Variants in DPY19L2 observed in about 807,000 individuals in gnomAD.
DPY19L2 encodes probable C-mannosyltransferase DPY19L2.
A neutral mutation model predicts 97.9 loss-of-function variants in DPY19L2; 34 were observed. The observed-to-expected ratio is 0.35, with a 90% CI of 0.26 to 0.46. DPY19L2 has a LOEUF of 0.46. Ranked by LOEUF, DPY19L2 falls within the 20% of genes least tolerant of loss-of-function variation. The pLI, the probability that DPY19L2 is intolerant of heterozygous loss-of-function variation, is 1.00. For synonymous variants in DPY19L2, 230 were observed against 307.9 expected (o/e 0.75, Z 2.65); for missense variants, 623 against 911.4 (o/e 0.68, Z 4.07).
chr12:63,636,792 T>G (rs1273372400), intron 6 of DPY19L2, among the ~76,000 whole-genome samples: 2 of 152,082 alleles, frequency 1.3e-5, no homozygotes, highest in Non-Finnish European at 2.9e-5. Flanking sequence ...AAGCAAGCCC[T>G]TAGAGACCTG....
chr12:63,587,464 C>T (rs551665866), intron 16 of DPY19L2, among the ~76,000 whole-genome samples: 1 of 151,428 alleles, frequency 6.6e-6, no homozygotes, highest in South Asian at 2.1e-4. Context: ...CCTCACAGAG[C>T]ATTTACTAAA....
At chr12:63,573,632 A>AT (rs536977059) in intron 19 of DPY19L2, among the ~76,000 whole-genome samples, 189 of 152,256 alleles carry the variant, frequency 1.2e-3, no homozygotes, top group African/African-American at 3.9e-3. Context: ...AACTCAAGTC[A>AT]TTTAATATCA....
chr12:63,627,598 C>T (rs1889789017), intron 6 of DPY19L2, among the ~76,000 whole-genome samples: 1 of 152,160 alleles, frequency 6.6e-6, no homozygotes, highest in South Asian at 2.1e-4. Context: ...GATCCGGCCA[C>T]CTCAGCCTCC....
chr12:63,623,769 ATC>A, intron 8 of DPY19L2: 2 of 313,328 alleles, frequency 6.4e-6, no homozygotes, highest in Non-Finnish European at 1.2e-5. Context: ...CAGTGGCACA[ATC>A]TCGGCTCACT....
At position 63,584,337 on chromosome 12, in the gene DPY19L2, A is replaced by C. The variant is rs1245768021; in HGVS notation, c.1581-501T>G. Among the ~76,000 whole-genome samples the C allele has an allele frequency of 3.3e-5, 5 of 152,158 alleles. 1 individual carries two copies. The highest frequency in any genetic ancestry group is 7.2e-5 in the African/African-American group (3 of 41,436). ...ACATAAATATTTTTAGTTTCAGAAA[A>C]GTTGTCCCTTTACAAAATATTTATA... On this transcript the variant is annotated intron_variant, in intron 16 of 21. Coordinates refer to ENST00000324472, the MANE Select transcript of DPY19L2 (RefSeq NM_173812.5).
chr12:63,616,204 G>T (rs373756764), intron 11 of DPY19L2, among the ~76,000 whole-genome samples: 4,372 of 151,922 alleles, frequency 0.029, 107 homozygotes, highest in East Asian at 0.14. Flanking sequence ...ATCAGTATTA[G>T]CCAGCACTAA....
At chr12:63,622,221 T>A (rs1182405348) in intron 8 of DPY19L2, among the ~76,000 whole-genome samples, 2 of 152,138 alleles carry the variant, frequency 1.3e-5, no homozygotes, top group Non-Finnish European at 2.9e-5. Context: ...ATTAAGACAT[T>A]TTATTCCATG....
At chr12:63,587,209 T>A (rs1336073944) in intron 16 of DPY19L2, among the ~76,000 whole-genome samples, 3 of 152,044 alleles carry the variant, frequency 2.0e-5, no homozygotes, top group African/African-American at 7.2e-5. Flanking sequence ...ATAATAAAAG[T>A]ACAATCCTAT....
At chr12:63,626,762 T>G (rs1048055536) in intron 6 of DPY19L2, among the ~76,000 whole-genome samples, 68 of 152,100 alleles carry the variant, frequency 4.5e-4, no homozygotes, top group African/African-American at 1.6e-3. Context: ...ACTTTCTAAA[T>G]AAAATACATA....
chr12:63,627,093 A>C (rs921761558), intron 6 of DPY19L2, among the ~76,000 whole-genome samples: 1 of 152,120 alleles, frequency 6.6e-6, no homozygotes, highest in Non-Finnish European at 1.5e-5. Context: ...AATCATTTTT[A>C]AGAAACAGAC....
At chr12:63,652,111 A>C (rs1448011459) in intron 4 of DPY19L2, among the ~76,000 whole-genome samples, 3 of 152,208 alleles carry the variant, frequency 2.0e-5, no homozygotes, top group African/African-American at 2.4e-5. Context: ...ACATGAAAAA[A>C]AAAGTAGGTG....
intron 13 of DPY19L2, among the ~76,000 whole-genome samples, chr12:63,599,044 G>A (rs1052678220): frequency 5.9e-5 from 9 of 151,906 alleles, no homozygotes; most frequent in Non-Finnish European, 1.3e-4. Context: ...GTGGTGGCAC[G>A]TGCCTATAAC....
At chr12:63,571,955 G>C (rs1244347626) in intron 19 of DPY19L2, among the ~76,000 whole-genome samples, 4 of 152,142 alleles carry the variant, frequency 2.6e-5, no homozygotes, top group Non-Finnish European at 5.9e-5. Context: ...CTACATTGGA[G>C]AGGAGGTGGA....
Position 63,619,517 on chromosome 12 carries a change from T to C in DPY19L2, c.1054-1289A>G, listed in dbSNP as rs1296391074. ...AACATTAACAGCAATATCAAACTTCTTTTTTTTTTTTTGAAACTGAGTCTC... is the reference window on the plus strand; with the variant it reads ...AACATTAACAGCAATATCAAACTTCCTTTTTTTTTTTTGAAACTGAGTCTC... On this transcript the variant is annotated intron_variant, in intron 9 of 21. Coordinates refer to ENST00000324472, the MANE Select transcript of DPY19L2 (RefSeq NM_173812.5). 2.1e-5 allele frequency among the ~76,000 whole-genome samples: 3 copies of C among 142,686 alleles called. No individual in the cohort carries two copies. In the East Asian group the frequency reaches 6.0e-4, roughly 28 times the overall value. 93.6% of individuals were successfully genotyped at this position (142,686 alleles called of 152,430 possible).
At chr12:63,592,840 G>A (rs1175391599) in intron 16 of DPY19L2, among the ~76,000 whole-genome samples, 2 of 152,066 alleles carry the variant, frequency 1.3e-5, no homozygotes, top group Admixed American at 1.3e-4. Context: ...ACTACCATCA[G>A]AGTCAACAGG....
intron 6 of DPY19L2, among the ~76,000 whole-genome samples, chr12:63,637,693 C>A (rs1026565311): frequency 6.6e-6 from 1 of 151,966 alleles, no homozygotes; most frequent in Non-Finnish European, 1.5e-5. Context: ...CAATAACAGG[C>A]TCTGAAATTG....
intron 16 of DPY19L2, among the ~76,000 whole-genome samples, chr12:63,586,088 A>G (rs1881747478): frequency 6.6e-6 from 1 of 152,196 alleles, no homozygotes; most frequent in South Asian, 2.1e-4. Flanking sequence ...TGAAAGAATA[A>G]GAGAACAACA....
rs1054891 is a variant in DPY19L2 at position 63,560,524 on chromosome 12, T to C, written c.2265A>G (p.Leu755=). ...GGTAGTATCCTTCTCAGTTAACCTT[T>C]AATACTCTGTACACACTATTCTGAA... ...TVFQNSVYRV[L]KVN is the part of the protein sequence containing the mutation. The change falls in exon 22 of 22, where the codon TTA becomes TTG. Residue 755 remains leucine, a synonymous_variant. Coordinates refer to ENST00000324472, the MANE Select transcript of DPY19L2 (RefSeq NM_173812.5). 648,407 of 1,612,240 alleles carry C rather than the reference T, an allele frequency of 0.4. 135,594 individuals carry two copies. Among genetic ancestry groups the C allele is most frequent in the African/African-American group, 0.65 (48,812 of 74,886 alleles).
At chr12:63,589,737 ACAAAG>A (rs1259098521) in intron 16 of DPY19L2, among the ~76,000 whole-genome samples, 1 of 152,200 alleles carries the variant, frequency 6.6e-6, no homozygotes, top group Non-Finnish European at 1.5e-5. Context: ...TTGAAGTTCT[ACAAAG>A]CAGAGACCAT....
Sources: allele counts gnomAD v4.1 joint callset (sites outside exome capture counted in the v4.1 genomes callset), GRCh38; gene constraint gnomAD v4.1.1; transcripts MANE v1.5; gene names NCBI Gene and HGNC (gene_info 2026-07-23, HGNC 2026-07-21).